Variants in WWOX observed in about 807,000 individuals in gnomAD.
WWOX encodes WW domain-containing oxidoreductase.
A neutral mutation model predicts 46.2 loss-of-function variants in WWOX; 69 were observed. That is an observed-to-expected ratio of 1.49 (90% CI 1.23 to 1.82). The LOEUF is 1.82. WWOX is among the 40% of genes most tolerant of loss of function. The pLI, the probability that WWOX is intolerant of heterozygous loss-of-function variation, is 0.00. For missense variants in WWOX, 919 were observed against 542.6 expected (o/e 1.69, Z -6.89); for synonymous variants, 359 against 202.6 (o/e 1.77, Z -6.56).
chr16:78,325,811 GT>G (rs1451826859), intron 5 of WWOX, among the ~76,000 whole-genome samples: 1 of 152,224 alleles, frequency 6.6e-6, no homozygotes, highest in African/African-American at 2.4e-5. Flanking sequence ...GGAGTTAAGG[GT>G]TTGTTTGCTT....
chr16:78,139,029 C>A (rs924032819), intron 4 of WWOX, among the ~76,000 whole-genome samples: 2 of 152,046 alleles, frequency 1.3e-5, no homozygotes, highest in Non-Finnish European at 2.9e-5. Flanking sequence ...CACAGTCCCA[C>A]CAATCAGACC....
intron 1 of WWOX, 106 bp downstream of exon 1, chr16:78,099,991 A>G: frequency 6.6e-7 from 1 of 1,512,200 alleles, no homozygotes; most frequent in East Asian, 2.6e-5. Context: ...CGTGCGGTGC[A>G]AAGTGAAAGT....
chr16:78,100,311 G>A, intron 1 of WWOX: 1 of 984,900 alleles, frequency 1.0e-6, no homozygotes, highest in East Asian at 1.2e-4. Context: ...GGAGTGCAGG[G>A]GTGCCATCAT....
At chr16:78,508,886 T>C (rs1183913855) in intron 8 of WWOX, among the ~76,000 whole-genome samples, 1 of 152,238 alleles carries the variant, frequency 6.6e-6, no homozygotes, top group Non-Finnish European at 1.5e-5. Context: ...TTTTCAGGAA[T>C]GCAGATATTT....
intron 8 of WWOX, among the ~76,000 whole-genome samples, chr16:78,775,293 T>C (rs113870317): frequency 3.3e-5 from 5 of 152,168 alleles, no homozygotes; most frequent in Non-Finnish European, 7.4e-5. Flanking sequence ...TATGAGTGTT[T>C]TGACTGTTCA....
intron 8 of WWOX, among the ~76,000 whole-genome samples, chr16:79,207,621 A>G (rs2051561449): frequency 6.6e-6 from 1 of 152,310 alleles, no homozygotes; most frequent in African/African-American, 2.4e-5. Flanking sequence ...TATTTTTTAT[A>G]TATCTCATAG....
intron 5 of WWOX, among the ~76,000 whole-genome samples, chr16:78,177,294 T>C (rs1374604438): frequency 6.6e-6 from 1 of 152,246 alleles, no homozygotes; most frequent in African/African-American, 2.4e-5. Flanking sequence ...AATTTTAATT[T>C]ATCCAACATC....
At chr16:78,192,123 C>G (rs62033988) in intron 5 of WWOX, among the ~76,000 whole-genome samples, 20,842 of 152,102 alleles carry the variant, frequency 0.14, 1,756 homozygotes, top group Non-Finnish European at 0.19. Context: ...CCCCAAACCT[C>G]AGCATAATGC....
intron 7 of WWOX, among the ~76,000 whole-genome samples, chr16:78,430,660 T>A (rs2083195784): frequency 6.6e-6 from 1 of 152,164 alleles, no homozygotes; most frequent in South Asian, 2.1e-4. Context: ...GAAGTCAGAC[T>A]CTTCCTGTGG....
intron 8 of WWOX, among the ~76,000 whole-genome samples, chr16:79,133,416 A>G (rs1187063239): frequency 6.6e-6 from 1 of 152,246 alleles, no homozygotes. Context: ...AAACTATGAC[A>G]CACATTCATA....
intron 8 of WWOX, among the ~76,000 whole-genome samples, chr16:78,741,309 C>T (rs913025960): frequency 2.6e-5 from 4 of 152,120 alleles, no homozygotes; most frequent in African/African-American, 9.7e-5. Flanking sequence ...GCCTGTAATC[C>T]CAGCATTTTG....
At chr16:78,601,242 A>C (rs992707061) in intron 8 of WWOX, among the ~76,000 whole-genome samples, 3 of 152,162 alleles carry the variant, frequency 2.0e-5, no homozygotes, top group African/African-American at 7.2e-5. Context: ...TTACTCACCC[A>C]GAAGGAAGCC....
At chr16:78,597,541 T>C (rs2045519564) in intron 8 of WWOX, among the ~76,000 whole-genome samples, 2 of 152,306 alleles carry the variant, frequency 1.3e-5, no homozygotes, top group South Asian at 4.1e-4. Flanking sequence ...ACAATACTGG[T>C]GACCTGTTTT....
chr16:78,766,278 C>G (rs1597574597), intron 8 of WWOX, among the ~76,000 whole-genome samples: 1 of 152,176 alleles, frequency 6.6e-6, no homozygotes, highest in East Asian at 1.9e-4. Context: ...CGTCATCTCT[C>G]CTGTGTGTCG....
At chr16:78,665,875 G>T (rs2047320016) in intron 8 of WWOX, among the ~76,000 whole-genome samples, 1 of 152,048 alleles carries the variant, frequency 6.6e-6, no homozygotes, top group South Asian at 2.1e-4. Context: ...AGTAGAGATG[G>T]AGTTTCACCA....
At chr16:78,865,489 C>T (rs1481961289) in intron 8 of WWOX, among the ~76,000 whole-genome samples, 1 of 152,184 alleles carries the variant, frequency 6.6e-6, no homozygotes, top group Non-Finnish European at 1.5e-5. Flanking sequence ...CTCCCTGAAC[C>T]TCAGTTTCCT....
chr16:78,565,363 A>G (rs895690096), intron 8 of WWOX, among the ~76,000 whole-genome samples: 2 of 152,196 alleles, frequency 1.3e-5, no homozygotes, highest in Non-Finnish European at 2.9e-5. Context: ...CTAGGGGAGA[A>G]TCTGTTTCCT....
chr16:79,083,854 A>G (rs1470321259), intron 8 of WWOX, among the ~76,000 whole-genome samples: 1 of 152,170 alleles, frequency 6.6e-6, no homozygotes, highest in African/African-American at 2.4e-5. Flanking sequence ...GATGGTTGAA[A>G]TGTTCATCCT....
At position 78,990,706 on chromosome 16, in the gene WWOX, AAGGAAGG is replaced by A. The variant is rs573812438; in HGVS notation, c.1057-220891_1057-220885del. Among the ~76,000 whole-genome samples, 292 of 152,188 alleles carry A rather than the reference AAGGAAGG, an allele frequency of 1.9e-3. 3 individuals carry two copies. In the South Asian group the frequency reaches 0.023, roughly 12 times the overall value. Reference sequence around the variant, plus strand: ...GAAGCACATAGAGGAAAGAAGGAAGAAGGAAGGAGGAAGGAGGGAGGGAGGGAGACAG... The same window carrying A: ...GAAGCACATAGAGGAAAGAAGGAAGAAGGAAGGAGGGAGGGAGGGAGACAG... On this transcript the variant is annotated intron_variant, in intron 8 of 8. Coordinates refer to ENST00000566780, the MANE Select transcript of WWOX (RefSeq NM_016373.4).
Sources: allele counts gnomAD v4.1 joint callset (sites outside exome capture counted in the v4.1 genomes callset), GRCh38; gene constraint gnomAD v4.1.1; transcripts MANE v1.5; gene names NCBI Gene and HGNC (gene_info 2026-07-23, HGNC 2026-07-21).